The following SYNJ2 variants were observed in gnomAD, a reference collection of about 807,000 sequenced individuals.
SYNJ2 encodes polyphosphatidylinositol phosphatase SYNJ2.
SYNJ2 carries 116 observed loss-of-function variants against 141.3 expected under a neutral mutation model. The observed-to-expected ratio is 0.82, with a 90% CI of 0.71 to 0.96. SYNJ2 has a LOEUF of 0.96. Among genes scored for constraint, SYNJ2 ranks in the 40% least tolerant of loss-of-function variants. SYNJ2 has a pLI of 0.00. For missense variants in SYNJ2, 1,873 were observed against 1,934.8 expected, an observed-to-expected ratio of 0.97 and a Z score of 0.60; for synonymous variants, 745 against 777.7, an observed-to-expected ratio of 0.96 and a Z score of 0.70.
chr6:158,032,601 G>A (rs754372079), intron 3 of SYNJ2, among the ~76,000 whole-genome samples: 4 of 152,168 alleles, frequency 2.6e-5, no homozygotes, highest in Non-Finnish European at 4.4e-5. Flanking sequence ...TGAAGAGCGC[G>A]GGCTCCAAGC....
chr6:158,094,136 C>A, intron 26 of SYNJ2: 1 of 640,960 alleles, frequency 1.6e-6, no homozygotes, highest in Non-Finnish European at 2.8e-6. Context: ...CTTTGTATTT[C>A]CTGGGTTGCT....
chr6:158,049,652 G>A (rs1003874424), intron 5 of SYNJ2, among the ~76,000 whole-genome samples: 4 of 152,230 alleles, frequency 2.6e-5, no homozygotes, highest in Non-Finnish European at 5.9e-5. Flanking sequence ...TGAGCCCAGG[G>A]AAGCAGCTGT....
chr6:158,095,417 C>G (rs1783738871), intron 26 of SYNJ2, among the ~76,000 whole-genome samples: 1 of 152,130 alleles, frequency 6.6e-6, no homozygotes, highest in South Asian at 2.1e-4. Context: ...CTGGTGTGAC[C>G]TGATAAATGT....
chr6:158,076,687 G>C lies in SYNJ2; in HGVS notation c.2354G>C (p.Gly785Ala), dbSNP rs2128382738. Residue 785 changes from glycine (G) to alanine (A), a missense_variant, in exon 17 of 27, where the codon GGC (glycine) becomes GCC (alanine). Physicochemically the swap from Gly to Ala is moderately conservative, Grantham distance 60 (BLOSUM62 0). Coordinates refer to ENST00000355585, the MANE Select transcript of SYNJ2 (RefSeq NM_003898.4). ...GGACCCACCTACAAGTATGACGTTG[G>C]CTCAGCCGCCTACGATACAAGCGAC... ...NFGPTYKYDVGSAAYDTSDKC... is the reference protein window; with the variant it reads ...NFGPTYKYDVASAAYDTSDKC... The C allele has an allele frequency of 6.2e-7, 1 of 1,614,166 alleles. No homozygotes were observed.
chr6:157,993,710 C>CTTTTT lies in SYNJ2; in HGVS notation c.127+11643_127+11647dup, dbSNP rs34971762. Among the ~76,000 whole-genome samples, 203 of 40,552 alleles carry CTTTTT rather than the reference C, an allele frequency of 5.0e-3. 26 individuals are homozygous for CTTTTT. The highest frequency in any genetic ancestry group is 0.022 in the African/African-American group (197 of 9,150). 26.6% of individuals were successfully genotyped at this position (40,552 alleles called of 152,430 possible). Reference sequence around the variant, plus strand: ...AAACATAACTTTCATTCTTGCATAGCTTTTTTTTTTTTTTTTTTTTTTTTT... The same window carrying CTTTTT: ...AAACATAACTTTCATTCTTGCATAGCTTTTTTTTTTTTTTTTTTTTTTTTTTTTTT... On this transcript the variant is annotated intron_variant, in intron 1 of 26. Coordinates refer to ENST00000355585, the MANE Select transcript of SYNJ2 (RefSeq NM_003898.4).
intron 25 of SYNJ2, among the ~76,000 whole-genome samples, chr6:158,092,713 C>T (rs1041397233): frequency 2.6e-5 from 4 of 151,892 alleles, no homozygotes; most frequent in Non-Finnish European, 5.9e-5. Flanking sequence ...TGCAGTGAGC[C>T]GTGATCATGC....
At chr6:158,077,761 G>A (rs1317491415) in intron 17 of SYNJ2, 1 of 152,006 alleles carries the variant, frequency 6.6e-6, no homozygotes, top group African/African-American at 2.4e-5. Flanking sequence ...AGATGAGTTT[G>A]TGAACGCCTG....
intron 5 of SYNJ2, among the ~76,000 whole-genome samples, chr6:158,046,189 G>T (rs1327016089): frequency 1.3e-5 from 2 of 151,984 alleles, no homozygotes; most frequent in Non-Finnish European, 2.9e-5. Flanking sequence ...CAAGTGATCT[G>T]CCCGCTTCGG....
rs1404425315 is a variant in SYNJ2 at position 158,040,997 on chromosome 6, A to G, written c.712-2319A>G. 6.6e-6 allele frequency among the ~76,000 whole-genome samples: 1 copy of G among 152,200 alleles called. No individual in the cohort carries two copies. ...CCGACGCCAGCAGGTGCCCGCATGC[A>G]TAGTCATAGCGTCAGGGCCTCTGGG... On this transcript the variant is annotated intron_variant, in intron 4 of 26. Coordinates refer to ENST00000355585, the MANE Select transcript of SYNJ2 (RefSeq NM_003898.4). The surrounding 1 kb of genome is among the most constrained non-coding windows in gnomAD (Gnocchi z 4.2).
rs930071910 is a variant in SYNJ2 at position 158,026,791 on chromosome 6, C to T, written c.215-1965C>T. ...CCATCCTCCTGCCTCTCCGAGGGCA[C>T]TTCTGCTGAACTGTGCTTTTCCCTG... On this transcript the variant is annotated intron_variant, in intron 2 of 26. Transcript: ENST00000355585. The T allele has an allele frequency of 7.1e-6, 7 of 983,342 alleles. No homozygotes were observed. The East Asian group carries it at 4.5e-4, about 64-fold the overall frequency. 60.9% of individuals were successfully genotyped at this position (983,342 alleles called of 1,614,324 possible). A position where few individuals can be genotyped will look rare whatever the true frequency, so the allele number is the denominator to read the frequency against.
chr6:158,031,788 G>A (rs957990430), intron 3 of SYNJ2, among the ~76,000 whole-genome samples: 1 of 152,148 alleles, frequency 6.6e-6, no homozygotes. Context: ...CTCTTTGGGG[G>A]TCCTGGATAT....
chr6:158,076,503 A>T, intron 16 of SYNJ2, 123 bp from the exon 17 acceptor site: 1 of 1,138,046 alleles, frequency 8.8e-7, no homozygotes, highest in Non-Finnish European at 1.2e-6. Flanking sequence ...ATAGATTTTC[A>T]AATGTAATGG....
chr6:158,064,007 G>A (rs2128365698), intron 9 of SYNJ2, 135 bp downstream of exon 9: 5 of 876,588 alleles, frequency 5.7e-6, no homozygotes, highest in South Asian at 3.1e-5. Context: ...TGGGGAAGGT[G>A]GACAGGGAGA....
chr6:158,033,396 G>C (rs531548517), intron 3 of SYNJ2, 59 bp from the exon 4 acceptor site: 10 of 1,576,220 alleles, frequency 6.3e-6, no homozygotes, highest in African/African-American at 1.3e-5. Flanking sequence ...TCGCTGTCCA[G>C]GCAGCATGTA....
chr6:158,062,257 G>A, intron 8 of SYNJ2, 93 bp downstream of exon 8: 1 of 1,545,144 alleles, frequency 6.5e-7, no homozygotes, highest in Non-Finnish European at 8.7e-7. Flanking sequence ...TCTGCTGGGT[G>A]AGGCGGCAGA....
chr6:158,031,081 C>T (rs2128337477), intron 3 of SYNJ2: 1 of 152,262 alleles, frequency 6.6e-6, no homozygotes. Context: ...TTCTGTGAAT[C>T]GCTGGTTACA....
intron 16 of SYNJ2, 85 bp from the exon 17 acceptor site, chr6:158,076,541 A>T: frequency 7.0e-7 from 1 of 1,427,776 alleles, no homozygotes; most frequent in Non-Finnish European, 9.5e-7. Flanking sequence ...AAGAATAGGG[A>T]CTTGCCTTTT....
Position 158,084,008 on chromosome 6 carries a change from T to C in SYNJ2, c.3042T>C (p.Ile1014=). The part of the protein sequence containing the change: ...TSLDYESEGD[I]LEDDEDYLVD... ...TTCATTTCCTTCTCCCAGGGGATAT[T>C]CTTGAAGACGATGAAGACTACTTGG... is the stretch of plus-strand genomic sequence containing the variant. The change falls in exon 22 of 27, where the codon ATT becomes ATC. Residue 1014 remains isoleucine (I), a synonymous_variant. Transcript: ENST00000355585. This position sits in a 1 kb window ranked among gnomAD's most constrained non-coding sequence, Gnocchi z 5.0. The C allele has an allele frequency of 6.2e-7, 1 of 1,614,104 alleles. No individual in the cohort carries two copies. The highest frequency in any genetic ancestry group is 1.7e-5 in the Admixed American group (1 of 60,014).
intron 20 of SYNJ2, 59 bp downstream of exon 20, chr6:158,081,569 G>A: frequency 2.3e-6 from 3 of 1,303,192 alleles, no homozygotes; most frequent in Non-Finnish European, 3.3e-6. Context: ...TTTTTATGTG[G>A]GCATGTCTTC....
Sources: allele counts gnomAD v4.1 joint callset (sites outside exome capture counted in the v4.1 genomes callset), GRCh38; gene constraint gnomAD v4.1.1; non-coding constraint Gnocchi (gnomAD v3.1); transcripts MANE v1.5; gene names NCBI Gene and HGNC (gene_info 2026-07-23, HGNC 2026-07-21).